The following NRG3 variants were observed in gnomAD, a reference collection of about 807,000 sequenced individuals.
NRG3 encodes the protein neuregulin 3.
In NRG3, 31 loss-of-function variants were observed where a neutral mutation model predicts 66.9. The observed-to-expected ratio is 0.46, with a 90% CI of 0.35 to 0.63. The LOEUF (loss-of-function observed/expected upper bound fraction) is 0.63, where lower values mean the gene tolerates loss of function less well. Among genes scored for constraint, NRG3 ranks in the 20% least tolerant of loss-of-function variants. The probability of loss-of-function intolerance (pLI) is 0.00; values close to 1 mark genes in which losing one functional copy is unlikely to be tolerated. For missense variants in NRG3, 910 were observed against 878.9 expected (o/e 1.04, Z -0.45); for synonymous variants, 393 against 359.4 (o/e 1.09, Z -1.06).
chr10:82,430,209 C>A (rs2089705580), intron 2 of NRG3, among the ~76,000 whole-genome samples: 1 of 151,990 alleles, frequency 6.6e-6, no homozygotes, highest in African/African-American at 2.4e-5. Flanking sequence ...ACTATTTTTC[C>A]ACATATGTTT....
At chr10:82,543,916 G>A (rs141499796) in intron 2 of NRG3, among the ~76,000 whole-genome samples, 56 of 152,260 alleles carry the variant, frequency 3.7e-4, no homozygotes, top group African/African-American at 1.3e-3. Flanking sequence ...CAGTGCTAGG[G>A]ATATGACAAC....
chr10:81,936,563 C>T (rs908555781), intron 1 of NRG3, among the ~76,000 whole-genome samples: 1 of 152,066 alleles, frequency 6.6e-6, no homozygotes, highest in Admixed American at 6.6e-5. Flanking sequence ...AGTGGGAGAA[C>T]CACAGATGGC....
intron 3 of NRG3, among the ~76,000 whole-genome samples, chr10:82,855,297 G>T (rs1334446670): frequency 6.6e-6 from 1 of 152,116 alleles, no homozygotes; most frequent in East Asian, 1.9e-4. Flanking sequence ...ACACATGGCT[G>T]TTTGCCATGT....
intron 1 of NRG3, among the ~76,000 whole-genome samples, chr10:81,905,948 A>G (rs558689389): frequency 5.9e-5 from 9 of 152,288 alleles, no homozygotes; most frequent in Non-Finnish European, 2.9e-5. Flanking sequence ...TTAGCCCTAC[A>G]GTTTATAATG....
intron 2 of NRG3, among the ~76,000 whole-genome samples, chr10:82,567,396 G>T (rs554860632): frequency 1.3e-5 from 2 of 151,864 alleles, no homozygotes; most frequent in Non-Finnish European, 2.9e-5. Flanking sequence ...GCCTGGAAAA[G>T]AGTGTTTAAA....
At chr10:82,161,348 T>C (rs2071582219) in intron 1 of NRG3, among the ~76,000 whole-genome samples, 1 of 152,108 alleles carries the variant, frequency 6.6e-6, no homozygotes, top group African/African-American at 2.4e-5. Context: ...GTGGATATGA[T>C]AACACAAGTC....
chr10:82,910,149 C>T (rs146629551), intron 4 of NRG3, among the ~76,000 whole-genome samples: 8 of 152,266 alleles, frequency 5.3e-5, no homozygotes, highest in South Asian at 2.1e-4. Context: ...AGATTCAACA[C>T]GCTGGCTGCA....
At chr10:82,875,621 G>A (rs1034433379) in intron 4 of NRG3, among the ~76,000 whole-genome samples, 1 of 152,168 alleles carries the variant, frequency 6.6e-6, no homozygotes, top group Non-Finnish European at 1.5e-5. Flanking sequence ...GTCTCTCAAA[G>A]TGGTAGGATT....
At chr10:82,135,292 TTTGA>T (rs752540349) in intron 1 of NRG3, among the ~76,000 whole-genome samples, 14 of 152,122 alleles carry the variant, frequency 9.2e-5, no homozygotes, top group Non-Finnish European at 1.3e-4. Flanking sequence ...TCTTTGGTAG[TTTGA>T]TTGTTAAATG....
intron 3 of NRG3, among the ~76,000 whole-genome samples, chr10:82,757,517 T>A (rs945281141): frequency 3.3e-5 from 5 of 151,930 alleles, no homozygotes; most frequent in Non-Finnish European, 7.4e-5. Context: ...GGAGAAAACA[T>A]CCATGGAAAA....
At chr10:82,732,633 C>T (rs948657680) in intron 2 of NRG3, among the ~76,000 whole-genome samples, 1 of 152,310 alleles carries the variant, frequency 6.6e-6, no homozygotes, top group Non-Finnish European at 1.5e-5. Flanking sequence ...ATAATAAAAA[C>T]TAACATTTCT....
chr10:82,548,437 T>C (rs1278111018), intron 2 of NRG3, among the ~76,000 whole-genome samples: 2 of 150,786 alleles, frequency 1.3e-5, no homozygotes, highest in African/African-American at 5.0e-5. Context: ...TTGATACTTA[T>C]TGTCTGAATA....
At chr10:82,486,419 A>ATT (rs138794119) in intron 2 of NRG3, among the ~76,000 whole-genome samples, 24 of 147,230 alleles carry the variant, frequency 1.6e-4, no homozygotes, top group Admixed American at 3.4e-4. Flanking sequence ...CCTATAATGG[A>ATT]TTTTTTTTTT....
chr10:81,886,014 C>T (rs1157547302), intron 1 of NRG3, among the ~76,000 whole-genome samples: 4 of 151,940 alleles, frequency 2.6e-5, no homozygotes, highest in African/African-American at 9.7e-5. Flanking sequence ...TAACACATTT[C>T]GGGTGTGGGG....
At chr10:82,917,794 T>A (rs1845988707) in intron 4 of NRG3, among the ~76,000 whole-genome samples, 1 of 151,778 alleles carries the variant, frequency 6.6e-6, no homozygotes, top group African/African-American at 2.4e-5. Flanking sequence ...ATTCAGAAAA[T>A]GGTGTTGTCT....
chr10:82,941,000 G>T (rs1337591689), intron 4 of NRG3, among the ~76,000 whole-genome samples: 4 of 152,034 alleles, frequency 2.6e-5, no homozygotes, highest in African/African-American at 9.7e-5. Flanking sequence ...CATAACAGTG[G>T]GAGTTTCAAG....
chr10:82,001,925 A>G (rs1376301574), intron 1 of NRG3, among the ~76,000 whole-genome samples: 1 of 152,186 alleles, frequency 6.6e-6, no homozygotes, highest in African/African-American at 2.4e-5. Context: ...CAAAATCATG[A>G]TACAACTAAC....
chr10:82,344,068 T>TC (rs1254385199), intron 1 of NRG3, among the ~76,000 whole-genome samples: 1 of 152,010 alleles, frequency 6.6e-6, no homozygotes, highest in African/African-American at 2.4e-5. Flanking sequence ...TTTCTTTCTT[T>TC]TTTTTTTATT....
intron 1 of NRG3, among the ~76,000 whole-genome samples, chr10:81,991,609 T>C (rs1426684608): frequency 6.6e-6 from 1 of 152,182 alleles, no homozygotes; most frequent in Non-Finnish European, 1.5e-5. Flanking sequence ...TAGAGTTTTC[T>C]AAAATATAAA....
Sources: gnomAD v4.1 joint callset for allele counts (sites outside exome capture counted in the v4.1 genomes callset) on GRCh38, gnomAD v4.1.1 for gene constraint, MANE v1.5 for transcripts, NCBI Gene and HGNC (gene_info 2026-07-23, HGNC 2026-07-21) for gene names.